The following NR3C2 variants were observed in gnomAD, a reference collection of about 807,000 sequenced individuals.
NR3C2 encodes nuclear receptor subfamily 3 group C member 2.
NR3C2 carries 15 observed loss-of-function variants against 86.4 expected under a neutral mutation model. The ratio of observed to expected loss-of-function variants is 0.17; its 90% confidence interval spans 0.12 to 0.27. NR3C2 has a LOEUF of 0.27. Among genes scored for constraint, NR3C2 ranks in the 10% least tolerant of loss-of-function variants. The pLI, the probability that NR3C2 is intolerant of heterozygous loss-of-function variation, is 1.00. For missense variants in NR3C2, 960 were observed against 1,195.6 expected, an observed-to-expected ratio of 0.80 and a Z score of 2.91; for synonymous variants, 458 against 450.5, an observed-to-expected ratio of 1.02 and a Z score of -0.21.
intron 3 of NR3C2, among the ~76,000 whole-genome samples, chr4:148,252,581 A>C (rs1327407413): frequency 6.6e-6 from 1 of 152,210 alleles, no homozygotes; most frequent in Non-Finnish European, 1.5e-5. Flanking sequence ...AAGAGCAGGC[A>C]CATTAAAACC....
intron 2 of NR3C2, among the ~76,000 whole-genome samples, chr4:148,321,501 G>A (rs1166814004): frequency 1.3e-5 from 2 of 151,984 alleles, no homozygotes; most frequent in Non-Finnish European, 2.9e-5. Flanking sequence ...CATTATTAAT[G>A]TGTGGGAGTC....
chr4:148,218,065 G>T (rs1737634969), intron 3 of NR3C2, among the ~76,000 whole-genome samples: 1 of 152,180 alleles, frequency 6.6e-6, no homozygotes, highest in Non-Finnish European at 1.5e-5. Context: ...AACTTCAGCA[G>T]AGTAGTATAA....
intron 6 of NR3C2, among the ~76,000 whole-genome samples, chr4:148,141,152 G>T (rs1403030154): frequency 6.6e-6 from 1 of 152,146 alleles, no homozygotes; most frequent in Non-Finnish European, 1.5e-5. Context: ...TATTTTTGCG[G>T]CCGGGTGTGG....
chr4:148,314,936 G>A (rs906886594), intron 2 of NR3C2, among the ~76,000 whole-genome samples: 4 of 151,794 alleles, frequency 2.6e-5, no homozygotes, highest in African/African-American at 4.8e-5. Context: ...TCCTACCACC[G>A]AAAACATGTT....
chr4:148,257,985 G>A, intron 3 of NR3C2, among the ~76,000 whole-genome samples: 1 of 152,250 alleles, frequency 6.6e-6, no homozygotes, highest in East Asian at 1.9e-4. Context: ...TTATAACTGA[G>A]TTATAAAAAT....
intron 2 of NR3C2, among the ~76,000 whole-genome samples, chr4:148,410,206 T>G (rs1222849897): frequency 6.6e-6 from 1 of 152,200 alleles, no homozygotes; most frequent in Non-Finnish European, 1.5e-5. Context: ...TTATGAAATG[T>G]AAGTTGTAAT....
chr4:148,264,508 GC>G (rs977901455), intron 2 of NR3C2, among the ~76,000 whole-genome samples: 4 of 152,156 alleles, frequency 2.6e-5, no homozygotes, highest in Non-Finnish European at 5.9e-5. Flanking sequence ...AGCATGTAAA[GC>G]CCAAACTGAG....
At chr4:148,420,201 T>A (rs1749213815) in intron 2 of NR3C2, among the ~76,000 whole-genome samples, 1 of 152,176 alleles carries the variant, frequency 6.6e-6, no homozygotes, top group African/African-American at 2.4e-5. Context: ...AGAGTGACGC[T>A]GGCCAGAAAA....
chr4:148,381,122 G>C (rs1352783032), intron 2 of NR3C2, among the ~76,000 whole-genome samples: 1 of 152,052 alleles, frequency 6.6e-6, no homozygotes, highest in African/African-American at 2.4e-5. Context: ...CAGCTGTTCA[G>C]GAGGCTGAGG....
At position 148,253,467 on chromosome 4, in the gene NR3C2, G is replaced by A. The variant is rs537692243; in HGVS notation, c.1897+6511C>T. 5.9e-5 allele frequency among the ~76,000 whole-genome samples: 9 copies of A among 152,234 alleles called. No individual in the cohort carries two copies. The South Asian group carries it at 1.5e-3, about 25-fold the overall frequency. ...CTAGTTATTCACACACGTGTGCCAC[G>A]CATGCACTCAATGTTCTAGACTTAT... On this transcript the variant is annotated intron_variant, in intron 3 of 8. Coordinates refer to ENST00000358102, the MANE Select transcript of NR3C2 (RefSeq NM_000901.5).
At chr4:148,360,174 C>T (rs754930264) in intron 2 of NR3C2, among the ~76,000 whole-genome samples, 27 of 152,090 alleles carry the variant, frequency 1.8e-4, no homozygotes, top group Non-Finnish European at 3.4e-4. Context: ...GCTCATCTGC[C>T]CCTACTTTAT....
At chr4:148,401,613 G>A (rs549456294) in intron 2 of NR3C2, among the ~76,000 whole-genome samples, 18 of 151,850 alleles carry the variant, frequency 1.2e-4, no homozygotes, top group African/African-American at 3.9e-4. Context: ...GCAGGCACCC[G>A]CCACCACGCC....
chr4:148,091,173 C>T (rs1731043808), intron 8 of NR3C2, among the ~76,000 whole-genome samples: 1 of 152,260 alleles, frequency 6.6e-6, no homozygotes, highest in African/African-American at 2.4e-5. Flanking sequence ...AGGCCTAAAT[C>T]CTGAGCCATG....
At chr4:148,418,314 C>G (rs931643952) in intron 2 of NR3C2, among the ~76,000 whole-genome samples, 6 of 152,152 alleles carry the variant, frequency 3.9e-5, no homozygotes, top group Non-Finnish European at 8.8e-5. Flanking sequence ...ATTTGCTTTA[C>G]TGCCCACACA....
chr4:148,146,063 A>C (rs1186330057), intron 6 of NR3C2, among the ~76,000 whole-genome samples: 1 of 152,078 alleles, frequency 6.6e-6, no homozygotes, highest in African/African-American at 2.4e-5. Context: ...GAGAAGTAAG[A>C]AATCTTAACT....
At position 148,435,311 on chromosome 4, in the gene NR3C2, T is replaced by C; in HGVS notation, c.1550A>G (p.Asn517Ser). The change falls in exon 2 of 9, where the codon AAT (asparagine) becomes AGT (serine). Residue 517 changes from asparagine to serine, a missense_variant. By Grantham distance (46) the Asn-to-Ser change is conservative. Coordinates refer to ENST00000358102, the MANE Select transcript of NR3C2 (RefSeq NM_000901.5). ...SIPSSAIVGV[N>S]SGGQSFHYRI... ...GTAGTGGAAGGACTGTCCACCTGAA[T>C]TCACCCCAACAATAGCAGAGGAAGG... 6.2e-7 allele frequency: 1 copy of C among 1,614,170 alleles called. No individual in the cohort carries two copies. Among genetic ancestry groups the C allele is most frequent in the Non-Finnish European group, 8.5e-7 (1 of 1,180,026 alleles).
At chr4:148,092,140 C>T (rs1174032241) in intron 8 of NR3C2, among the ~76,000 whole-genome samples, 1 of 152,236 alleles carries the variant, frequency 6.6e-6, no homozygotes, top group African/African-American at 2.4e-5. Context: ...TGGGCAGCAG[C>T]TGCTTCCCCA....
At chr4:148,442,087 A>G (rs1750371061) in intron 1 of NR3C2, 73 bp downstream of exon 1, 1 of 152,532 alleles carries the variant, frequency 6.6e-6, no homozygotes, top group Non-Finnish European at 1.5e-5. Flanking sequence ...TTCTCCCTGC[A>G]AAGTGCACGC....
At chr4:148,213,448 A>C (rs1247684013) in intron 3 of NR3C2, among the ~76,000 whole-genome samples, 1 of 152,218 alleles carries the variant, frequency 6.6e-6, no homozygotes, top group Admixed American at 6.5e-5. Flanking sequence ...ATGTATGTTT[A>C]GTGTTACCTA....
Sources: allele counts gnomAD v4.1 joint callset (sites outside exome capture counted in the v4.1 genomes callset), GRCh38; gene constraint gnomAD v4.1.1; transcripts MANE v1.5; gene names NCBI Gene and HGNC (gene_info 2026-07-23, HGNC 2026-07-21).